Variants in GRM5 observed in about 807,000 individuals in gnomAD.
GRM5 encodes glutamate metabotropic receptor 5, also known as metabotropic glutamate receptor 5.
In GRM5, 19 loss-of-function variants were observed where a neutral mutation model predicts 83.1. The ratio of observed to expected loss-of-function variants is 0.23; its 90% CI spans 0.16 to 0.34. GRM5 has a LOEUF of 0.34. Ranked by LOEUF, GRM5 falls within the 10% of genes least tolerant of loss-of-function variation. The pLI, the probability that GRM5 is intolerant of heterozygous loss-of-function variation, is 1.00. For synonymous variants in GRM5, 675 were observed against 633.6 expected, an observed-to-expected ratio of 1.07 and a Z score of -0.98; for missense variants, 1,160 against 1,588.3, an observed-to-expected ratio of 0.73 and a Z score of 4.58.
chr11:88,705,728 C>T (rs1351824555), intron 3 of GRM5, among the ~76,000 whole-genome samples: 1 of 151,726 alleles, frequency 6.6e-6, no homozygotes, highest in Admixed American at 6.6e-5. Context: ...AATGATTAAT[C>T]TCTAAAAAAT....
intron 3 of GRM5, among the ~76,000 whole-genome samples, chr11:88,768,708 T>C (rs1942670579): frequency 6.8e-6 from 1 of 148,010 alleles, no homozygotes; most frequent in South Asian, 2.1e-4. Flanking sequence ...GACAAGAGAG[T>C]GAATGGGGAG....
Position 88,567,820 on chromosome 11 carries a change from G to T in GRM5, c.1863C>A (p.Ile621=). The T allele has an allele frequency of 6.2e-7, 1 of 1,614,144 alleles. No individual in the cohort carries two copies. The highest frequency in any genetic ancestry group is 8.5e-7 in the Non-Finnish European group (1 of 1,179,960). The change falls in exon 8 of 10, where the codon ATC becomes ATA. Residue 621 remains isoleucine (I), a synonymous_variant. Coordinates refer to ENST00000305447, the MANE Select transcript of GRM5 (RefSeq NM_001143831.3). The surrounding 1 kb of genome is among the most constrained non-coding windows in gnomAD (Gnocchi z 7.3). ...KSSSRELCYI[I]LAGICLGYLC... ...AGTAGCCCAGGCAGATGCCAGCAAG[G>T]ATAATGTAGCAGAGTTCCCTGCTTG...
At chr11:88,790,165 G>C (rs930503606) in intron 3 of GRM5, among the ~76,000 whole-genome samples, 1 of 152,064 alleles carries the variant, frequency 6.6e-6, no homozygotes, top group African/African-American at 2.4e-5. Context: ...CACCTGGCTC[G>C]TACAAGCAAC....
intron 3 of GRM5, among the ~76,000 whole-genome samples, chr11:88,845,225 A>G (rs999960886): frequency 1.3e-5 from 2 of 151,908 alleles, no homozygotes; most frequent in African/African-American, 4.8e-5. Flanking sequence ...ACCTTCAGCA[A>G]TTGCCACCCT....
chr11:88,637,790 C>T (rs1218128913), intron 4 of GRM5, among the ~76,000 whole-genome samples: 16 of 147,752 alleles, frequency 1.1e-4, no homozygotes, highest in African/African-American at 3.7e-4. Context: ...TTTGACCCAG[C>T]CATCCCATTA....
chr11:88,526,637 T>C (rs1941883908), intron 8 of GRM5, among the ~76,000 whole-genome samples: 1 of 152,196 alleles, frequency 6.6e-6, no homozygotes, highest in Admixed American at 6.5e-5. Flanking sequence ...TTTTAGTTTA[T>C]TTTCCTGCTG....
At chr11:88,788,679 G>A (rs1270142650) in intron 3 of GRM5, among the ~76,000 whole-genome samples, 1 of 152,138 alleles carries the variant, frequency 6.6e-6, no homozygotes, top group East Asian at 1.9e-4. Context: ...TCTGATGGAA[G>A]TAGATTAAAA....
At chr11:88,744,891 G>A (rs1942101663) in intron 3 of GRM5, among the ~76,000 whole-genome samples, 1 of 152,098 alleles carries the variant, frequency 6.6e-6, no homozygotes, top group African/African-American at 2.4e-5. Flanking sequence ...TCCAGAATAT[G>A]TATCTATATG....
rs1046062169 is a variant in GRM5 at position 88,772,784 on chromosome 11, C to A, written c.911+77122G>T. On this transcript the variant is annotated intron_variant, in intron 3 of 9. Transcript: ENST00000305447. ...TCCCTACAAAGGACATGAACTCATC[C>A]TTTTTTATGGCTGCATAGTATTCCA... Among the ~76,000 whole-genome samples the A allele has an allele frequency of 5.3e-5, 8 of 152,138 alleles. No homozygotes were observed. In the East Asian group the frequency reaches 9.7e-4, roughly 18 times the overall value.
At position 88,505,615 on chromosome 11, in the gene GRM5, A is replaced by G. The variant is rs1941165303; in HGVS notation, c.*2977T>C. The G allele has an allele frequency of 6.6e-6, 1 of 152,124 alleles. No homozygotes were observed. Among genetic ancestry groups the G allele is most frequent in the Non-Finnish European group, 1.5e-5 (1 of 68,014 alleles). 9.4% of individuals were successfully genotyped at this position (152,124 alleles called of 1,614,324 possible). A position where few individuals can be genotyped will look rare whatever the true frequency, so the allele number is the denominator to read the frequency against. ...AAAGACGGTTCTTCCCAATCCAGAT[A>G]TGTTCTTCTTAGGCTGCCCCCACTC... On this transcript the variant is annotated 3_prime_UTR_variant, in exon 10 of 10. Transcript: ENST00000305447.
rs895945710 is a variant in GRM5 at position 88,797,659 on chromosome 11, T to A, written c.911+52247A>T. On this transcript the variant is annotated intron_variant, in intron 3 of 9. Transcript: ENST00000305447. ...TACAATGCTAATAATCTCTTCTTTC[T>A]TTTGCTTTTTAAAATAGGTTCTAAA... is the stretch of plus-strand genomic sequence containing the variant. Among the ~76,000 whole-genome samples the A allele has an allele frequency of 2.6e-5, 4 of 152,206 alleles. No individual in the cohort carries two copies. The South Asian group carries it at 8.3e-4, about 31-fold the overall frequency.
chr11:88,988,555 C>T lies in GRM5; in HGVS notation c.661+58657G>A, dbSNP rs373132677. On this transcript the variant is annotated intron_variant, in intron 2 of 9. Transcript: ENST00000305447. ...AGAAGAGCAACTCCAAGACACATAA[C>T]TGTCAGATTCACCAAAGTTGAAATG... Among the ~76,000 whole-genome samples the T allele has an allele frequency of 3.8e-4, 58 of 150,858 alleles. No homozygotes were observed. In the East Asian group the frequency reaches 6.6e-3, roughly 17 times the overall value.
intron 3 of GRM5, among the ~76,000 whole-genome samples, chr11:88,813,301 T>C (rs1416600695): frequency 6.6e-6 from 1 of 152,144 alleles, no homozygotes; most frequent in Non-Finnish European, 1.5e-5. Context: ...GTCTGCTAAG[T>C]GCATGAATGA....
At chr11:88,985,699 G>A (rs936550694) in intron 2 of GRM5, among the ~76,000 whole-genome samples, 1 of 152,118 alleles carries the variant, frequency 6.6e-6, no homozygotes, top group Non-Finnish European at 1.5e-5. Flanking sequence ...GATTTGCAAT[G>A]TCAGTATTAT....
intron 3 of GRM5, among the ~76,000 whole-genome samples, chr11:88,730,330 C>G (rs1941779252): frequency 1.3e-5 from 2 of 152,160 alleles, no homozygotes; most frequent in South Asian, 2.1e-4. Flanking sequence ...GAGATACCAT[C>G]TCATGCCAAT....
intron 2 of GRM5, among the ~76,000 whole-genome samples, chr11:88,936,484 T>C (rs1408981198): frequency 2.0e-5 from 3 of 151,172 alleles, no homozygotes. Flanking sequence ...TTCTTCTGTT[T>C]ACTAGTATGT....
intron 3 of GRM5, among the ~76,000 whole-genome samples, chr11:88,675,152 A>T (rs1399822159): frequency 1.3e-5 from 2 of 151,878 alleles, no homozygotes; most frequent in African/African-American, 4.8e-5. Context: ...GTCTTCTGTG[A>T]TCCTACATGT....
chr11:88,519,188 TC>T (rs1223699974), intron 9 of GRM5, among the ~76,000 whole-genome samples: 2 of 151,608 alleles, frequency 1.3e-5, no homozygotes, highest in Non-Finnish European at 2.9e-5. Context: ...GGGAGTTCCT[TC>T]TCCCTGGAAG....
At chr11:88,807,017 G>A (rs1490973217) in intron 3 of GRM5, among the ~76,000 whole-genome samples, 2 of 152,006 alleles carry the variant, frequency 1.3e-5, no homozygotes. Flanking sequence ...GCAAAACAAG[G>A]TTTTACTTTC....
Sources: allele counts gnomAD v4.1 joint callset (sites outside exome capture counted in the v4.1 genomes callset), GRCh38; gene constraint gnomAD v4.1.1; non-coding constraint Gnocchi (gnomAD v3.1); transcripts MANE v1.5; gene names NCBI Gene and HGNC (gene_info 2026-07-23, HGNC 2026-07-21).